LARP4B: variants seen among roughly 807,000 people sequenced by gnomAD.
LARP4B encodes la-related protein 4B.
In LARP4B, 12 loss-of-function variants were observed where a neutral mutation model predicts 89.8. The ratio of observed to expected loss-of-function variants is 0.13; its 90% CI spans 0.09 to 0.22. LARP4B has a LOEUF of 0.22. Among genes scored for constraint, LARP4B ranks in the 10% least tolerant of loss-of-function variants. The pLI is 1.00. For missense variants in LARP4B, 757 were observed against 947.7 expected, an observed-to-expected ratio of 0.80 and a Z score of 2.64; for synonymous variants, 367 against 363.3, an observed-to-expected ratio of 1.01 and a Z score of -0.12.
chr10:821,935 C>G (rs971477692), intron 13 of LARP4B, among the ~76,000 whole-genome samples: 1 of 152,160 alleles, frequency 6.6e-6, no homozygotes, highest in African/African-American at 2.4e-5. Flanking sequence ...GGGCATGAGT[C>G]CTGACAACCC....
rs113914941 is a variant in LARP4B, at chr10:883,499, A to G, written c.141+948T>C. ...CACACCAGCCTGGGCAACAAGAGGG[A>G]AACTCTGTTTCAAAAAAATAATAAT... On this transcript the variant is annotated intron_variant, in intron 3 of 17. Transcript: ENST00000316157. 6.8e-3 allele frequency among the ~76,000 whole-genome samples: 1,031 copies of G among 152,282 alleles called. 16 individuals carry two copies. Among genetic ancestry groups the G allele is most frequent in the African/African-American group, 0.024 (987 of 41,556 alleles).
chr10:864,757 C>T (rs565569295), intron 3 of LARP4B, among the ~76,000 whole-genome samples: 27 of 152,282 alleles, frequency 1.8e-4, no homozygotes, highest in Admixed American at 1.6e-3. Context: ...AGTTCATGAC[C>T]AGCTTGGCCA....
rs531933687 is a variant in LARP4B, at chr10:856,030, A to C, written c.430+7713T>G. On this transcript the variant is annotated intron_variant, in intron 5 of 17. Transcript: ENST00000316157. ...GATTCCTATGCACAAAATGAAAATAACTTTGATCCATATTTCATACCTTAT... is the reference window on the plus strand; with the variant it reads ...GATTCCTATGCACAAAATGAAAATACCTTTGATCCATATTTCATACCTTAT... 1.0e-4 allele frequency among the ~76,000 whole-genome samples: 16 copies of C among 152,388 alleles called. 1 individual carries two copies. In the South Asian group the frequency reaches 3.3e-3, roughly 32 times the overall value.
At chr10:898,572 A>G (rs913110946) in intron 1 of LARP4B, among the ~76,000 whole-genome samples, 1 of 152,260 alleles carries the variant, frequency 6.6e-6, no homozygotes, top group African/African-American at 2.4e-5. Flanking sequence ...AGCAAAAATC[A>G]TAATTTCAGA....
intron 1 of LARP4B, among the ~76,000 whole-genome samples, chr10:931,171 C>T (rs868429877): frequency 2.4e-4 from 36 of 149,948 alleles, no homozygotes; most frequent in Non-Finnish European, 1.9e-4. Flanking sequence ...CTGCCCCGGC[C>T]CCGGTCCTCC....
chr10:876,693 T>C (rs12769431), intron 3 of LARP4B, among the ~76,000 whole-genome samples: 25,141 of 151,806 alleles, frequency 0.17, 2,243 homozygotes, highest in Non-Finnish European at 0.19. Context: ...CTCCACAGTT[T>C]AAGGCTCCCA....
At chr10:837,655 C>T (rs953274533) in intron 7 of LARP4B, among the ~76,000 whole-genome samples, 11 of 152,188 alleles carry the variant, frequency 7.2e-5, no homozygotes, top group African/African-American at 2.4e-4. Flanking sequence ...CCCACGTGCA[C>T]GGGCAGTCAA....
intron 1 of LARP4B, among the ~76,000 whole-genome samples, chr10:894,989 A>T (rs1173434292): frequency 6.6e-6 from 1 of 152,230 alleles, no homozygotes; most frequent in Non-Finnish European, 1.5e-5. Flanking sequence ...GTTTGCGACC[A>T]GCCTCGGGCA....
At chr10:896,784 A>G (rs578257063) in intron 1 of LARP4B, among the ~76,000 whole-genome samples, 1 of 152,316 alleles carries the variant, frequency 6.6e-6, no homozygotes, top group East Asian at 1.9e-4. Flanking sequence ...AAGCTTGAGA[A>G]CCACTCCACT....
chr10:869,124 A>G (rs937878396), intron 3 of LARP4B, among the ~76,000 whole-genome samples: 2 of 152,250 alleles, frequency 1.3e-5, no homozygotes, highest in African/African-American at 4.8e-5. Flanking sequence ...TGAAAAAGAA[A>G]GAGCTCCACA....
intron 8 of LARP4B, among the ~76,000 whole-genome samples, chr10:835,482 A>G (rs1276934394): frequency 1.3e-5 from 2 of 152,222 alleles, no homozygotes; most frequent in Non-Finnish European, 2.9e-5. Context: ...CAAAGCAGGC[A>G]GATTCCGTTT....
chr10:863,858 G>A lies in LARP4B; in HGVS notation c.315C>T (p.Asp105=). The change falls in exon 5 of 18, where the codon GAC becomes GAT. Residue 105 remains aspartate (D), a synonymous_variant. Coordinates refer to ENST00000316157, the MANE Select transcript of LARP4B (RefSeq NM_015155.3). ...PQGSDANGDG[D]QGHENAALPD... is the part of the protein sequence containing the mutation. Reference sequence around the variant, plus strand: ...GCAATGCGGCATTCTCATGGCCCTGGTCACCATCACCATTGGCATCCGATC... The same window carrying A: ...GCAATGCGGCATTCTCATGGCCCTGATCACCATCACCATTGGCATCCGATC... 6.2e-7 allele frequency: 1 copy of A among 1,613,730 alleles called. No homozygotes were observed. Among genetic ancestry groups the A allele is most frequent in the South Asian group, 1.1e-5 (1 of 91,004 alleles).
intron 5 of LARP4B, among the ~76,000 whole-genome samples, chr10:860,622 T>C (rs956116704): frequency 8.5e-5 from 13 of 152,176 alleles, no homozygotes; most frequent in African/African-American, 2.7e-4. Flanking sequence ...CTGTGATCTA[T>C]CCATATCATG....
intron 9 of LARP4B, among the ~76,000 whole-genome samples, 162 bp downstream of exon 9, chr10:830,705 T>C (rs750769341): frequency 1.3e-5 from 2 of 152,224 alleles, no homozygotes; most frequent in African/African-American, 2.4e-5. Flanking sequence ...TCCATACAAA[T>C]ACACTCAAAT....
Position 810,407 on chromosome 10 carries a change from G to A in LARP4B, c.*2519C>T, listed in dbSNP as rs1348948043. ...CAACGTTTCAGTTCTTGATGCAGAAGACTGCTGCTGGCTAGGCAGTAACTA... is the reference window on the plus strand; with the variant it reads ...CAACGTTTCAGTTCTTGATGCAGAAAACTGCTGCTGGCTAGGCAGTAACTA... On this transcript the variant is annotated 3_prime_UTR_variant, in exon 18 of 18. Coordinates refer to ENST00000316157, the MANE Select transcript of LARP4B (RefSeq NM_015155.3). 6.6e-6 allele frequency: 1 copy of A among 152,242 alleles called. No individual in the cohort carries two copies. Among genetic ancestry groups the A allele is most frequent in the Non-Finnish European group, 1.5e-5 (1 of 68,028 alleles). 9.4% of individuals were successfully genotyped at this position (152,242 alleles called of 1,614,324 possible). A position where few individuals can be genotyped will look rare whatever the true frequency, so the allele number is the denominator to read the frequency against.
At chr10:908,453 G>T (rs759776975) in intron 1 of LARP4B, among the ~76,000 whole-genome samples, 4 of 152,146 alleles carry the variant, frequency 2.6e-5, no homozygotes, top group Non-Finnish European at 5.9e-5. Context: ...GGGGGCCATG[G>T]GGATCCTAGG....
chr10:960,672 C>T, the LARP4B span, among the ~76,000 whole-genome samples: 1 of 133,414 alleles, frequency 7.5e-6, no homozygotes, highest in East Asian at 2.3e-4. Flanking sequence ...CATGCCACTG[C>T]ACTCCAGCCA....
chr10:931,227 C>G (rs1165746059), intron 1 of LARP4B, among the ~76,000 whole-genome samples: 3 of 149,444 alleles, frequency 2.0e-5, no homozygotes, highest in African/African-American at 7.3e-5. Context: ...CTCCTCAGCC[C>G]TGGCCCTTCC....
the LARP4B span, among the ~76,000 whole-genome samples, chr10:937,357 A>T: frequency 1.3e-5 from 2 of 152,148 alleles, no homozygotes; most frequent in African/African-American, 4.8e-5. Context: ...TTATTTTAAA[A>T]ATCACTATCT....
Sources: gnomAD v4.1 joint callset for allele counts (sites outside exome capture counted in the v4.1 genomes callset) on GRCh38, gnomAD v4.1.1 for gene constraint, MANE v1.5 for transcripts, NCBI Gene and HGNC (gene_info 2026-07-23, HGNC 2026-07-21) for gene names.